NRXN3: variants seen among roughly 807,000 people sequenced by gnomAD.
The protein encoded by NRXN3 is neurexin III.
In NRXN3, 32 loss-of-function variants were observed where a neutral mutation model predicts 137.6. That is an observed-to-expected ratio of 0.23 (90% CI 0.18 to 0.31). The LOEUF is 0.31. Among genes scored for constraint, NRXN3 ranks in the 10% least tolerant of loss-of-function variants. The pLI, the probability that NRXN3 is intolerant of heterozygous loss-of-function variation, is 1.00. For missense variants in NRXN3, 1,574 were observed against 2,062.5 expected (o/e 0.76, Z 4.59); for synonymous variants, 798 against 784.5 (o/e 1.02, Z -0.29).
chr14:78,858,163 G>A (rs1440336628), intron 10 of NRXN3, among the ~76,000 whole-genome samples: 1 of 152,164 alleles, frequency 6.6e-6, no homozygotes, highest in Non-Finnish European at 1.5e-5. Context: ...ATCTGCAGAA[G>A]GTGAGTGACA....
At chr14:78,762,833 A>G (rs1198069371) in intron 8 of NRXN3, among the ~76,000 whole-genome samples, 2 of 152,222 alleles carry the variant, frequency 1.3e-5, no homozygotes, top group Non-Finnish European at 2.9e-5. Context: ...CACTGGTACT[A>G]TGGTTGCTCT....
intron 4 of NRXN3, among the ~76,000 whole-genome samples, chr14:78,499,860 T>TGA (rs756012269): frequency 6.6e-6 from 1 of 151,904 alleles, no homozygotes; most frequent in African/African-American, 2.4e-5. Context: ...ACCAAAGTCA[T>TGA]GAGAGAGAGA....
rs1185899011 is a variant in NRXN3, at chr14:79,324,169, T to C, written c.3263-143052T>C. Reference sequence around the variant, plus strand: ...AATTTGGCCAGGGATTGTGTTACTATTGTTGAATTAAACCAGACAGAATCA... The same window carrying C: ...AATTTGGCCAGGGATTGTGTTACTACTGTTGAATTAAACCAGACAGAATCA... On this transcript the variant is annotated intron_variant, in intron 15 of 20. Coordinates refer to ENST00000335750, the MANE Select transcript of NRXN3 (RefSeq NM_001330195.2). Among the ~76,000 whole-genome samples the C allele has an allele frequency of 3.3e-5, 5 of 152,328 alleles. No homozygotes were observed. The South Asian group carries it at 8.3e-4, about 25-fold the overall frequency.
chr14:79,667,467 G>A (rs1175347362), intron 17 of NRXN3, among the ~76,000 whole-genome samples: 2 of 152,020 alleles, frequency 1.3e-5, no homozygotes, highest in Non-Finnish European at 2.9e-5. Context: ...GTCTTCTCAT[G>A]GGCATTTATG....
intron 4 of NRXN3, among the ~76,000 whole-genome samples, chr14:78,434,378 A>T (rs1252664257): frequency 6.6e-6 from 1 of 151,888 alleles, no homozygotes; most frequent in Non-Finnish European, 1.5e-5. Flanking sequence ...TCCTTGTCCA[A>T]ATTTCCTTTT....
chr14:79,175,459 T>C (rs2062233193), intron 15 of NRXN3, among the ~76,000 whole-genome samples: 1 of 152,240 alleles, frequency 6.6e-6, no homozygotes, highest in South Asian at 2.1e-4. Context: ...TTTATAAACT[T>C]ACAAGTATCC....
intron 15 of NRXN3, among the ~76,000 whole-genome samples, chr14:79,274,793 A>AT (rs755225387): frequency 5.9e-5 from 9 of 152,044 alleles, no homozygotes; most frequent in African/African-American, 9.7e-5. Flanking sequence ...GATTAAAAAT[A>AT]TTTTTTTTCC....
At chr14:79,383,264 C>T (rs2094520443) in intron 15 of NRXN3, among the ~76,000 whole-genome samples, 1 of 151,914 alleles carries the variant, frequency 6.6e-6, no homozygotes, top group South Asian at 2.1e-4. Context: ...TGCTTGGCAC[C>T]CAACCCTCCT....
At chr14:79,031,866 G>C (rs1462497643) in intron 15 of NRXN3, among the ~76,000 whole-genome samples, 2 of 152,112 alleles carry the variant, frequency 1.3e-5, no homozygotes, top group African/African-American at 4.8e-5. Flanking sequence ...GTTGTTGTCT[G>C]TTTGTTTAAA....
At chr14:79,531,085 C>CCATTTACTGCAATTGTATTTAAATA (rs1406187543) in intron 16 of NRXN3, among the ~76,000 whole-genome samples, 3 of 152,154 alleles carry the variant, frequency 2.0e-5, no homozygotes, top group Non-Finnish European at 4.4e-5. Flanking sequence ...CCCTCTAGTC[C>CCATTTACTGCAATTGTATTTAAATA]CATTTACTGC....
intron 15 of NRXN3, among the ~76,000 whole-genome samples, chr14:79,234,096 C>T (rs1472859287): frequency 1.3e-5 from 2 of 150,276 alleles, no homozygotes; most frequent in African/African-American, 5.0e-5. Flanking sequence ...TATTTCCTCT[C>T]AAGACAAACA....
At chr14:79,140,634 G>A (rs1250139732) in intron 15 of NRXN3, among the ~76,000 whole-genome samples, 1 of 148,686 alleles carries the variant, frequency 6.7e-6, no homozygotes, top group African/African-American at 2.5e-5. Context: ...CTTTAATAGT[G>A]GTTTGTTACC....
intron 8 of NRXN3, among the ~76,000 whole-genome samples, chr14:78,762,438 G>A (rs2098695560): frequency 6.6e-6 from 1 of 152,142 alleles, no homozygotes; most frequent in Non-Finnish European, 1.5e-5. Context: ...CTCTCAGAAA[G>A]CTACGCAATC....
At chr14:79,348,909 G>A (rs1451541791) in intron 15 of NRXN3, among the ~76,000 whole-genome samples, 1 of 152,144 alleles carries the variant, frequency 6.6e-6, no homozygotes, top group African/African-American at 2.4e-5. Context: ...TAGAACCTTA[G>A]GAGAGAATGT....
Position 79,504,639 on chromosome 14 carries a change from T to TATATATATATATATATATATATA in NRXN3, c.3444+37237_3444+37238insATATATATATATATATATATATA, listed in dbSNP as rs60009832. ...TAAACTTCCATTATAAAATGAAGTT[T>TATATATATATATATATATATATA]TTTATATATATATATGTATATATAT... is the stretch of plus-strand genomic sequence containing the variant. On this transcript the variant is annotated intron_variant, in intron 16 of 20. Transcript: ENST00000335750. Among the ~76,000 whole-genome samples, 69 of 93,378 alleles carry TATATATATATATATATATATATA rather than the reference T, an allele frequency of 7.4e-4. 5 individuals are homozygous for TATATATATATATATATATATATA. Among genetic ancestry groups the TATATATATATATATATATATATA allele is most frequent in the Non-Finnish European group, 9.3e-4 (42 of 44,946 alleles). 61.3% of individuals were successfully genotyped at this position (93,378 alleles called of 152,430 possible).
chr14:79,754,585 C>CAT, intron 19 of NRXN3, among the ~76,000 whole-genome samples: 1 of 137,186 alleles, frequency 7.3e-6, no homozygotes, highest in African/African-American at 2.9e-5. Flanking sequence ...CACACACACA[C>CAT]ACACATATAT....
intron 10 of NRXN3, among the ~76,000 whole-genome samples, chr14:78,821,696 A>T (rs988151511): frequency 1.2e-4 from 18 of 148,002 alleles, no homozygotes; most frequent in African/African-American, 4.4e-4. Context: ...AAGATGGATA[A>T]AAAAAAAAAA....
intron 15 of NRXN3, among the ~76,000 whole-genome samples, chr14:79,322,630 C>T (rs2090215445): frequency 6.6e-6 from 1 of 152,060 alleles, no homozygotes; most frequent in East Asian, 1.9e-4. Context: ...TTAAGTCTTC[C>T]TGATCCTAGA....
At chr14:78,367,489 T>C (rs34853774) in intron 4 of NRXN3, among the ~76,000 whole-genome samples, 52,624 of 152,166 alleles carry the variant, frequency 0.35, 10,501 homozygotes, top group Admixed American at 0.45. Context: ...TAATACTGAT[T>C]ATATGCTTAC....
Sources: gnomAD v4.1 joint callset for allele counts (sites outside exome capture counted in the v4.1 genomes callset) on GRCh38, gnomAD v4.1.1 for gene constraint, MANE v1.5 for transcripts, NCBI Gene and HGNC (gene_info 2026-07-23, HGNC 2026-07-21) for gene names.